PDS5B: variants seen among roughly 807,000 people sequenced by gnomAD.
The protein encoded by PDS5B is PDS5 cohesin associated factor B, also known as sister chromatid cohesion protein PDS5 homolog B.
Under a neutral mutation model 184.1 loss-of-function variants are expected in PDS5B, and 51 were observed. That is an observed-to-expected ratio of 0.28 (90% CI 0.22 to 0.35). PDS5B has a LOEUF of 0.35. Ranked by LOEUF, PDS5B falls within the 10% of genes least tolerant of loss-of-function variation. The pLI, the probability that PDS5B is intolerant of heterozygous loss-of-function variation, is 1.00. For missense variants in PDS5B, 1,180 were observed against 1,723.3 expected, an observed-to-expected ratio of 0.68 and a Z score of 5.58; for synonymous variants, 566 against 569.2, an observed-to-expected ratio of 0.99 and a Z score of 0.08.
intron 31 of PDS5B, among the ~76,000 whole-genome samples, chr13:32,766,307 A>G (rs1469525520): frequency 2.0e-5 from 3 of 152,222 alleles, no homozygotes; most frequent in Non-Finnish European, 4.4e-5. Flanking sequence ...CTGTTATCCT[A>G]TAAATTTTGC....
At chr13:32,669,368 C>T (rs1950876769) in intron 7 of PDS5B, among the ~76,000 whole-genome samples, 1 of 151,062 alleles carries the variant, frequency 6.6e-6, no homozygotes, top group Admixed American at 6.6e-5. Context: ...GAACGCTATA[C>T]TGTATTGATA....
At chr13:32,716,871 G>C (rs1324915628) in intron 19 of PDS5B, among the ~76,000 whole-genome samples, 1 of 120,920 alleles carries the variant, frequency 8.3e-6, no homozygotes, top group African/African-American at 3.0e-5. Context: ...CCGGCCAGCC[G>C]CCCCGTCCGG....
intron 6 of PDS5B, 98 bp from the exon 7 acceptor site, chr13:32,667,666 T>C: frequency 1.4e-6 from 1 of 714,128 alleles, no homozygotes; most frequent in Non-Finnish European, 2.3e-6. Context: ...GAGTCTTAGT[T>C]TTTTCATTCA....
intron 27 of PDS5B, 126 bp downstream of exon 27, chr13:32,758,345 G>A (rs528202562): frequency 1.5e-5 from 14 of 960,122 alleles, no homozygotes; most frequent in African/African-American, 3.4e-5. Context: ...TTAGAATTAC[G>A]TAGAATTAGC....
chr13:32,727,422 A>G (rs1390144431), intron 19 of PDS5B, among the ~76,000 whole-genome samples: 3 of 152,228 alleles, frequency 2.0e-5, no homozygotes, highest in Non-Finnish European at 2.9e-5. Context: ...ATGTCTATCC[A>G]TATTTTCATC....
intron 1 of PDS5B, among the ~76,000 whole-genome samples, chr13:32,646,389 T>C (rs1950227864): frequency 8.4e-6 from 1 of 119,044 alleles, no homozygotes; most frequent in African/African-American, 3.0e-5. Flanking sequence ...TTTTTTTTTT[T>C]TTTGCCCCCA....
chr13:32,699,607 TTAAAC>T lies in PDS5B; in HGVS notation c.1601-116_1601-112del, dbSNP rs372000258. ...TGAAGGTTTTTCACAATTTATTTTG[TTAAAC>T]TAAACTGAATTTGTACGTAAGGATT... On this transcript the variant is annotated intron_variant, in intron 15 of 34. Coordinates refer to ENST00000315596, the MANE Select transcript of PDS5B (RefSeq NM_015032.4). 201 of 500,916 alleles carry T rather than the reference TTAAAC, an allele frequency of 4.0e-4. No individual in the cohort carries two copies. In the East Asian group the frequency reaches 7.0e-3, roughly 17 times the overall value. The allele number at this position is 500,916 out of a possible 1,614,324, so 31.0% of individuals were successfully genotyped here.
chr13:32,770,539 T>G lies in PDS5B; in HGVS notation c.4043T>G (p.Val1348Gly). The change falls in exon 32 of 35, where the codon GTG (valine) becomes GGG (glycine). Residue 1348 changes from valine to glycine, a missense_variant. This residue lies in a region of PDS5B where 465 missense variants were observed against 497.8 expected (regional missense o/e 0.93). Coordinates refer to ENST00000315596, the MANE Select transcript of PDS5B (RefSeq NM_015032.4). ...EQKSKSKQHR[V>G]SRRAQQRAES... ...AAGTCCAAAAGCAAACAGCACCGAGTGTCAAGGAGAGCACAGCAGAGGTAA... is the reference window on the plus strand; with the variant it reads ...AAGTCCAAAAGCAAACAGCACCGAGGGTCAAGGAGAGCACAGCAGAGGTAA... 1 of 1,607,670 alleles carries G rather than the reference T, an allele frequency of 6.2e-7. No individual in the cohort carries two copies.
At chr13:32,618,933 A>C (rs1417565350) in intron 1 of PDS5B, among the ~76,000 whole-genome samples, 2 of 152,182 alleles carry the variant, frequency 1.3e-5, no homozygotes, top group Non-Finnish European at 2.9e-5. Flanking sequence ...AGTGATGTGC[A>C]GAACGAACTC....
At chr13:32,646,028 C>T (rs185306212) in intron 1 of PDS5B, among the ~76,000 whole-genome samples, 7 of 136,820 alleles carry the variant, frequency 5.1e-5, no homozygotes, top group Non-Finnish European at 8.2e-5. Flanking sequence ...TGTGTTGAGA[C>T]AAGGTCCACT....
chr13:32,590,349 ATG>A (rs2057755621), intron 1 of PDS5B, among the ~76,000 whole-genome samples: 1 of 152,340 alleles, frequency 6.6e-6, no homozygotes, highest in Non-Finnish European at 1.5e-5. Flanking sequence ...ACCAGGGATG[ATG>A]CACTAAACAG....
intron 19 of PDS5B, among the ~76,000 whole-genome samples, chr13:32,710,374 T>C (rs1566356874): frequency 1.3e-5 from 2 of 152,182 alleles, no homozygotes; most frequent in Non-Finnish European, 2.9e-5. Context: ...GAATAAACAA[T>C]TCATATGAAT....
Position 32,664,864 on chromosome 13 carries a change from G to GA in PDS5B, c.625-2890dup, listed in dbSNP as rs1329650336. Reference sequence around the variant, plus strand: ...AGACTCTGTCTCAAAAAGGGAAAAAGAAAAAAAAAAGAAAGTGATAGCATG... The same window carrying GA: ...AGACTCTGTCTCAAAAAGGGAAAAAGAAAAAAAAAAAGAAAGTGATAGCATG... On this transcript the variant is annotated intron_variant, in intron 6 of 34. Coordinates refer to ENST00000315596, the MANE Select transcript of PDS5B (RefSeq NM_015032.4). Among the ~76,000 whole-genome samples the GA allele has an allele frequency of 7.9e-3, 1,153 of 145,744 alleles. 10 individuals carry two copies. Among genetic ancestry groups the GA allele is most frequent in the African/African-American group, 0.026 (1,040 of 39,482 alleles).
At chr13:32,749,685 A>G (rs960848184) in intron 24 of PDS5B, among the ~76,000 whole-genome samples, 6 of 152,182 alleles carry the variant, frequency 3.9e-5, no homozygotes, top group Non-Finnish European at 8.8e-5. Context: ...ATACAATGAG[A>G]TACACAAACT....
At chr13:32,723,963 G>A (rs1427571302) in intron 19 of PDS5B, among the ~76,000 whole-genome samples, 2 of 152,110 alleles carry the variant, frequency 1.3e-5, no homozygotes, top group Non-Finnish European at 2.9e-5. Flanking sequence ...TAAACTTACA[G>A]CCAGCTTTAT....
At chr13:32,635,535 G>T (rs1157346696) in intron 1 of PDS5B, among the ~76,000 whole-genome samples, 1 of 149,014 alleles carries the variant, frequency 6.7e-6, no homozygotes, top group Non-Finnish European at 1.5e-5. Context: ...GTAGAGATGG[G>T]GTTTCACCAT....
chr13:32,687,426 C>T (rs1295231075), intron 12 of PDS5B, 141 bp downstream of exon 12: 3 of 583,790 alleles, frequency 5.1e-6, no homozygotes, highest in South Asian at 2.6e-5. Context: ...AGTGACTGGG[C>T]TCATTCCCAC....
At chr13:32,590,763 C>G (rs2057761522) in intron 1 of PDS5B, among the ~76,000 whole-genome samples, 1 of 152,066 alleles carries the variant, frequency 6.6e-6, no homozygotes, top group African/African-American at 2.4e-5. Flanking sequence ...AGCTGAAGTT[C>G]TACCAGGTAG....
At chr13:32,643,947 A>G (rs1240105387) in intron 1 of PDS5B, among the ~76,000 whole-genome samples, 1 of 152,170 alleles carries the variant, frequency 6.6e-6, no homozygotes, top group East Asian at 1.9e-4. Flanking sequence ...TATTTTTTGT[A>G]GATTCCTTTG....
Sources: gnomAD v4.1 joint callset for allele counts (sites outside exome capture counted in the v4.1 genomes callset) on GRCh38, gnomAD v4.1.1 for gene constraint, gnomAD v4.1.1 regional missense constraint, MANE v1.5 for transcripts, NCBI Gene and HGNC (gene_info 2026-07-23, HGNC 2026-07-21) for gene names.